THSD7B: variants seen among roughly 807,000 people sequenced by gnomAD.
THSD7B encodes thrombospondin type-1 domain-containing protein 7B.
A neutral mutation model predicts 213.6 loss-of-function variants in THSD7B; 138 were observed. The observed-to-expected ratio is 0.65, with a 90% confidence interval of 0.56 to 0.74. The LOEUF is 0.74. THSD7B is among the 30% of genes least tolerant of loss of function. THSD7B has a pLI of 0.00. For missense variants in THSD7B, 1,931 were observed against 1,991.5 expected (o/e 0.97, Z 0.58); for synonymous variants, 742 against 687.0 (o/e 1.08, Z -1.25).
chr2:137,079,331 T>A (rs1250443306), intron 3 of THSD7B, among the ~76,000 whole-genome samples: 1 of 152,194 alleles, frequency 6.6e-6, no homozygotes, highest in Non-Finnish European at 1.5e-5. Flanking sequence ...AGTTAAGTTA[T>A]ACTGTTATTA....
chr2:137,423,271 T>C (rs1237718801), intron 14 of THSD7B, among the ~76,000 whole-genome samples: 3 of 152,088 alleles, frequency 2.0e-5, no homozygotes. Context: ...TTCAGCACCA[T>C]GCTGGAGGTT....
intron 16 of THSD7B, among the ~76,000 whole-genome samples, chr2:137,566,321 A>T (rs1241802630): frequency 6.6e-6 from 1 of 152,212 alleles, no homozygotes; most frequent in Non-Finnish European, 1.5e-5. Context: ...AAAGCCAAAC[A>T]CTGAAGCACC....
chr2:137,211,331 T>TACACACACACACAC (rs1224147467), intron 7 of THSD7B, among the ~76,000 whole-genome samples: 247 of 6,286 alleles, frequency 0.039, 8 homozygotes, highest in African/African-American at 0.079. Context: ...CTATCCTTCC[T>TACACACACACACAC]ACACACACAC....
At chr2:136,899,030 A>C (rs1166682779) in intron 2 of THSD7B, among the ~76,000 whole-genome samples, 1 of 152,202 alleles carries the variant, frequency 6.6e-6, no homozygotes, top group East Asian at 1.9e-4. Flanking sequence ...TTTTTCCAGC[A>C]AAAAGGAAAA....
At chr2:137,087,630 A>G (rs1201234072) in intron 3 of THSD7B, among the ~76,000 whole-genome samples, 1 of 152,190 alleles carries the variant, frequency 6.6e-6, no homozygotes, top group Non-Finnish European at 1.5e-5. Context: ...ACTACAAAAC[A>G]CTGCTGAAAG....
intron 17 of THSD7B, among the ~76,000 whole-genome samples, chr2:137,585,066 G>A (rs1187835726): frequency 6.6e-6 from 1 of 152,058 alleles, no homozygotes; most frequent in African/African-American, 2.4e-5. Context: ...TTTAGTCTTG[G>A]GAAGTTGTAT....
chr2:137,170,750 C>T lies in THSD7B; in HGVS notation c.1535C>T (p.Thr512Met), dbSNP rs61746979. Residue 512 changes from threonine (T) to methionine (M), a missense_variant, in exon 7 of 28, where the codon ACG (threonine) becomes ATG (methionine). Coordinates refer to ENST00000409968, the MANE Select transcript of THSD7B (RefSeq NM_001316349.2). Reference protein sequence around the residue: ...HDPQGKKGFRTRQRHVLMEST... With the variant: ...HDPQGKKGFRMRQRHVLMEST... ...TTCTCTCTCTTTTTAGGATTTAGAACGAGGCAGCGCCATGTCCTCATGGAA... is the reference window on the plus strand; with the variant it reads ...TTCTCTCTCTTTTTAGGATTTAGAATGAGGCAGCGCCATGTCCTCATGGAA... 0.062 allele frequency: 99,080 copies of T among 1,610,722 alleles called. 3,526 individuals are homozygous for T. The highest frequency in any genetic ancestry group is 0.089 in the Admixed American group (5,333 of 59,732).
intron 12 of THSD7B, among the ~76,000 whole-genome samples, chr2:137,402,245 G>A (rs988685187): frequency 3.8e-4 from 58 of 152,242 alleles, no homozygotes; most frequent in African/African-American, 1.4e-3. Context: ...ATAGCTCCTT[G>A]TTTAGACTTG....
intron 15 of THSD7B, among the ~76,000 whole-genome samples, chr2:137,545,330 C>T (rs2105196946): frequency 6.6e-6 from 1 of 151,802 alleles, no homozygotes; most frequent in African/African-American, 2.4e-5. Flanking sequence ...AAACTAGACC[C>T]CAAGAGTCCC....
At chr2:137,635,012 G>C (rs1334033219) in intron 20 of THSD7B, among the ~76,000 whole-genome samples, 1 of 151,832 alleles carries the variant, frequency 6.6e-6, no homozygotes, top group South Asian at 2.1e-4. Flanking sequence ...TTGTTTCATT[G>C]CTAGTGATTA....
At position 137,236,944 on chromosome 2, in the gene THSD7B, C is replaced by T. The variant is rs150120617; in HGVS notation, c.2150+3811C>T. 4.3e-3 allele frequency among the ~76,000 whole-genome samples: 662 copies of T among 152,188 alleles called. 6 individuals are homozygous for T. The highest frequency in any genetic ancestry group is 0.015 in the African/African-American group (629 of 41,526). ...TGGCCAACATGGTGAAACCCCATCT[C>T]TACTAAAAATACAAAAATTAGCCAG... On this transcript the variant is annotated intron_variant, in intron 9 of 27. Coordinates refer to ENST00000409968, the MANE Select transcript of THSD7B (RefSeq NM_001316349.2).
intron 6 of THSD7B, among the ~76,000 whole-genome samples, chr2:137,162,275 G>A (rs1039861524): frequency 4.8e-4 from 73 of 151,954 alleles, no homozygotes; most frequent in African/African-American, 1.7e-3. Flanking sequence ...TCTATATTAG[G>A]TTCAATTTAA....
intron 10 of THSD7B, among the ~76,000 whole-genome samples, chr2:137,243,487 G>A (rs149317585): frequency 6.3e-4 from 96 of 152,320 alleles, no homozygotes; most frequent in African/African-American, 2.3e-3. Context: ...GTCCTCTCAA[G>A]CAGAGCATGG....
intron 1 of THSD7B, among the ~76,000 whole-genome samples, chr2:136,804,053 G>A (rs1682240137): frequency 6.6e-6 from 1 of 152,076 alleles, no homozygotes; most frequent in Admixed American, 6.6e-5. Flanking sequence ...TGTCTTACCA[G>A]GTATCTGGCA....
At chr2:137,347,925 A>G (rs2104916439) in intron 12 of THSD7B, among the ~76,000 whole-genome samples, 1 of 151,668 alleles carries the variant, frequency 6.6e-6, no homozygotes, top group South Asian at 2.1e-4. Flanking sequence ...GAAGTTATAG[A>G]ACTCTATTGT....
intron 21 of THSD7B, among the ~76,000 whole-genome samples, chr2:137,652,540 T>C (rs758591740): frequency 1.3e-5 from 2 of 152,138 alleles, no homozygotes; most frequent in Non-Finnish European, 2.9e-5. Context: ...AAATGGAAAA[T>C]TGAGTCTATT....
intron 3 of THSD7B, among the ~76,000 whole-genome samples, chr2:137,090,522 CG>C (rs565001941): frequency 1.7e-3 from 259 of 152,198 alleles, no homozygotes; most frequent in African/African-American, 5.9e-3. Context: ...GATTTTCTTA[CG>C]TTTCCAGGGG....
intron 17 of THSD7B, among the ~76,000 whole-genome samples, chr2:137,595,696 C>A (rs183655553): frequency 1.1e-4 from 17 of 151,948 alleles, no homozygotes; most frequent in African/African-American, 4.1e-4. Flanking sequence ...GGAGAAATTT[C>A]ATTTTAAAAA....
Position 137,625,327 on chromosome 2 carries a change from G to T in THSD7B, c.3799+4601G>T, listed in dbSNP as rs1379018804. Among the ~76,000 whole-genome samples, 4 of 112,884 alleles carry T rather than the reference G, an allele frequency of 3.5e-5. No homozygotes were observed. In the Admixed American group the frequency reaches 4.5e-4, roughly 13 times the overall value. The allele number at this position is 112,884 out of a possible 152,430, so 74.1% of individuals were successfully genotyped here. A position where few individuals can be genotyped will look rare whatever the true frequency, so the allele number is the denominator to read the frequency against. On this transcript the variant is annotated intron_variant, in intron 20 of 27. Coordinates refer to ENST00000409968, the MANE Select transcript of THSD7B (RefSeq NM_001316349.2). ...ACATCACACACTGGGACCTGTCATG[G>T]GGTGGGGGGAGGGGGGAGGGATAAC...
Sources: gnomAD v4.1 joint callset for allele counts (sites outside exome capture counted in the v4.1 genomes callset) on GRCh38, gnomAD v4.1.1 for gene constraint, MANE v1.5 for transcripts, NCBI Gene and HGNC (gene_info 2026-07-23, HGNC 2026-07-21) for gene names.